MMP16: variants seen among roughly 807,000 people sequenced by gnomAD.
MMP16 encodes the protein matrix metallopeptidase 16.
MMP16 carries 12 observed loss-of-function variants against 67.8 expected under a neutral mutation model. That is an observed-to-expected ratio of 0.18 (90% CI 0.11 to 0.29). The LOEUF (loss-of-function observed/expected upper bound fraction) is 0.29, where lower values mean the gene tolerates loss of function less well. Among genes scored for constraint, MMP16 ranks in the 10% least tolerant of loss-of-function variants. MMP16 has a pLI of 1.00. For missense variants in MMP16, 475 were observed against 765.7 expected (o/e 0.62, Z 4.48); for synonymous variants, 249 against 255.9 (o/e 0.97, Z 0.26).
At chr8:88,303,996 C>A (rs1811173984) in intron 1 of MMP16, among the ~76,000 whole-genome samples, 1 of 152,242 alleles carries the variant, frequency 6.6e-6, no homozygotes, top group African/African-American at 2.4e-5. Context: ...TTAAGAACTT[C>A]ATTGAGCTAA....
chr8:88,170,750 C>T lies in MMP16; in HGVS notation c.405-2777G>A, dbSNP rs541310658. ...AGATGCCTAGCACTGAGTTTCCAGC[C>T]AGAGGGAATGGTGAGAACGCCAAAC... On this transcript the variant is annotated intron_variant, in intron 3 of 9. Transcript: ENST00000286614. Among the ~76,000 whole-genome samples the T allele has an allele frequency of 3.9e-5, 6 of 152,228 alleles. No homozygotes were observed. In the East Asian group the frequency reaches 1.2e-3, roughly 29 times the overall value.
At chr8:88,153,892 T>G (rs2129654423) in intron 4 of MMP16, among the ~76,000 whole-genome samples, 1 of 151,956 alleles carries the variant, frequency 6.6e-6, no homozygotes, top group East Asian at 1.9e-4. Flanking sequence ...AAAGAGCCTC[T>G]GCACAGCAAA....
chr8:88,100,592 A>G (rs1300650119), intron 6 of MMP16, among the ~76,000 whole-genome samples: 1 of 152,102 alleles, frequency 6.6e-6, no homozygotes, highest in Non-Finnish European at 1.5e-5. Flanking sequence ...ATCTAGAAAC[A>G]GAAACACCAT....
At chr8:88,130,334 G>T (rs1808007217) in intron 4 of MMP16, among the ~76,000 whole-genome samples, 1 of 151,652 alleles carries the variant, frequency 6.6e-6, no homozygotes. Context: ...TATTCACACA[G>T]CAAATTTTAA....
At position 88,186,579 on chromosome 8, in the gene MMP16, A is replaced by G; in HGVS notation, c.301T>C (p.Cys101Arg). The G allele has an allele frequency of 6.6e-7, 1 of 1,504,244 alleles. No individual in the cohort carries two copies. Among genetic ancestry groups the G allele is most frequent in the Non-Finnish European group, 9.0e-7 (1 of 1,105,992 alleles). 93.2% of individuals were successfully genotyped at this position (1,504,244 alleles called of 1,614,324 possible). The change falls in exon 3 of 10, where the codon TGC (cysteine) becomes CGC (arginine). Residue 101 changes from cysteine to arginine, a missense_variant. This residue lies in a region of MMP16 where 170 missense variants were observed against 239.6 expected (regional missense o/e 0.71). Coordinates refer to ENST00000286614, the MANE Select transcript of MMP16 (RefSeq NM_005941.5). ...NTIDWMKKPR[C>R]GVPDQTRGSS... is the part of the protein sequence containing the mutation. The stretch of plus-strand genomic sequence containing the variant: ...CCTCTTGTCTGGTCAGGTACACCGC[A>G]TCGGGGCTTCTTCATCCAGCTGCAA...
At chr8:88,294,331 T>C (rs116407223) in intron 1 of MMP16, among the ~76,000 whole-genome samples, 15,335 of 150,990 alleles carry the variant, frequency 0.1, 802 homozygotes, top group Non-Finnish European at 0.11. Context: ...TATGTGTATG[T>C]CTATATATGT....
intron 1 of MMP16, among the ~76,000 whole-genome samples, chr8:88,319,076 A>C (rs1272682592): frequency 6.6e-6 from 1 of 152,140 alleles, no homozygotes; most frequent in Admixed American, 6.5e-5. Context: ...TAAATGGCCC[A>C]AACAAGGCAA....
At position 88,173,872 on chromosome 8, in the gene MMP16, C is replaced by G. The variant is rs969360668; in HGVS notation, c.405-5899G>C. Among the ~76,000 whole-genome samples, 27 of 152,156 alleles carry G rather than the reference C, an allele frequency of 1.8e-4. 3 individuals are homozygous for G. Among genetic ancestry groups the G allele is most frequent in the Admixed American group, 1.6e-3 (25 of 15,268 alleles). ...CAAGATGCTGGCTTTCTAGGCAGGG[C>G]AGACTTAATTAAGTACATATTACAT... is the stretch of plus-strand genomic sequence containing the variant. On this transcript the variant is annotated intron_variant, in intron 3 of 9. Coordinates refer to ENST00000286614, the MANE Select transcript of MMP16 (RefSeq NM_005941.5).
intron 4 of MMP16, among the ~76,000 whole-genome samples, chr8:88,152,036 C>T (rs1808418788): frequency 3.6e-5 from 2 of 55,160 alleles, no homozygotes; most frequent in Non-Finnish European, 6.5e-5. Flanking sequence ...GGGGATATCA[C>T]CACTGATCCC....
chr8:88,258,044 CTTTTTT>C (rs71277990), intron 1 of MMP16, among the ~76,000 whole-genome samples: 1 of 143,130 alleles, frequency 7.0e-6, no homozygotes, highest in Non-Finnish European at 1.5e-5. Context: ...GACTCTTTTT[CTTTTTT>C]TTTTTTTTTC....
intron 1 of MMP16, among the ~76,000 whole-genome samples, chr8:88,318,190 C>T (rs1478948344): frequency 6.6e-6 from 1 of 152,086 alleles, no homozygotes; most frequent in African/African-American, 2.4e-5. Flanking sequence ...TAGAATGTAA[C>T]CAAATCTTCC....
intron 1 of MMP16, among the ~76,000 whole-genome samples, chr8:88,320,830 C>A (rs1168325559): frequency 6.6e-6 from 1 of 152,116 alleles, no homozygotes; most frequent in East Asian, 1.9e-4. Context: ...CACTTACTCT[C>A]TCGGCTCAGC....
rs183647041 is a variant in MMP16, at chr8:88,211,287, G to A, written c.133-13981C>T. On this transcript the variant is annotated intron_variant, in intron 1 of 9. Transcript: ENST00000286614. ...AACAACAAACAAGTGATACTTTAGA[G>A]GTAGACAGCCACAAGGTTGTAAGTT... Among the ~76,000 whole-genome samples, 732 of 152,240 alleles carry A rather than the reference G, an allele frequency of 4.8e-3. 5 individuals carry two copies. The highest frequency in any genetic ancestry group is 5.4e-3 in the Non-Finnish European group (369 of 68,016).
intron 1 of MMP16, among the ~76,000 whole-genome samples, chr8:88,326,357 G>C (rs1436657031): frequency 6.6e-6 from 1 of 152,060 alleles, no homozygotes; most frequent in African/African-American, 2.4e-5. Context: ...TAAAGCAAAT[G>C]ACAGTCTAAA....
At chr8:88,077,302 T>C (rs1446652312) in intron 6 of MMP16, among the ~76,000 whole-genome samples, 7 of 152,162 alleles carry the variant, frequency 4.6e-5, no homozygotes, top group African/African-American at 1.7e-4. Context: ...TAGACTGCCA[T>C]TTCAGAAATA....
At chr8:88,131,637 A>C (rs1399073649) in intron 4 of MMP16, among the ~76,000 whole-genome samples, 1 of 151,792 alleles carries the variant, frequency 6.6e-6, no homozygotes, top group Non-Finnish European at 1.5e-5. Context: ...CGAAATCCTA[A>C]AATAGTTTCT....
intron 1 of MMP16, among the ~76,000 whole-genome samples, chr8:88,218,463 G>C (rs537633137): frequency 1.3e-5 from 2 of 152,084 alleles, no homozygotes; most frequent in African/African-American, 4.8e-5. Flanking sequence ...AAATTTGCTA[G>C]AAGAGTAAAT....
intron 1 of MMP16, among the ~76,000 whole-genome samples, chr8:88,260,694 A>G (rs1314651882): frequency 6.6e-6 from 1 of 152,212 alleles, no homozygotes; most frequent in Non-Finnish European, 1.5e-5. Flanking sequence ...ATTTCAACTG[A>G]TAACATTCAG....
At chr8:88,264,680 G>A (rs1810446595) in intron 1 of MMP16, among the ~76,000 whole-genome samples, 1 of 152,150 alleles carries the variant, frequency 6.6e-6, no homozygotes, top group African/African-American at 2.4e-5. Context: ...TCAGGCCATG[G>A]CCAGGACTGC....
Sources: allele counts gnomAD v4.1 joint callset (sites outside exome capture counted in the v4.1 genomes callset), GRCh38; gene constraint gnomAD v4.1.1; regional missense constraint gnomAD v4.1.1; transcripts MANE v1.5; gene names NCBI Gene and HGNC (gene_info 2026-07-23, HGNC 2026-07-21).